CEP85: variants seen among roughly 807,000 people sequenced by gnomAD.
The protein encoded by CEP85 is centrosomal protein of 85 kDa.
CEP85 carries 58 observed loss-of-function variants against 93.7 expected under a neutral mutation model. That is an observed-to-expected ratio of 0.62 (90% CI 0.50 to 0.77). The LOEUF (loss-of-function observed/expected upper bound fraction) is 0.77. Among genes scored for constraint, CEP85 ranks in the 30% least tolerant of loss-of-function variants. The pLI, the probability that CEP85 is intolerant of heterozygous loss-of-function variation, is 0.00. For missense variants in CEP85, 868 were observed against 922.0 expected, an observed-to-expected ratio of 0.94 and a Z score of 0.76; for synonymous variants, 314 against 338.6, an observed-to-expected ratio of 0.93 and a Z score of 0.80.
chr1:26,250,929 TTTC>T (rs371570794), intron 3 of CEP85, among the ~76,000 whole-genome samples: 55,911 of 81,792 alleles, frequency 0.68, 17,134 homozygotes, highest in Non-Finnish European at 0.73. Context: ...TTTTTTCTTT[TTTC>T]TTTTTTTTTT....
intron 7 of CEP85, among the ~76,000 whole-genome samples, chr1:26,267,814 G>C (rs1328826690): frequency 1.3e-5 from 2 of 152,134 alleles, no homozygotes; most frequent in Non-Finnish European, 2.9e-5. Context: ...TAGTAGATTA[G>C]GCTTAAAGCA....
chr1:26,255,592 A>G lies in CEP85; in HGVS notation c.630A>G (p.Pro210=), dbSNP rs755756505. ...ACCACCGAGTCCGCTTCCACAACCC[A>G]AGAACCAGCACAAGTAAGGAGTTGT... ...DPHHRVRFHN[P]RTSTSKELYR... is the part of the protein sequence containing the mutation. Residue 210 remains proline, a synonymous_variant, in exon 4 of 14, where the codon CCA becomes CCG. Transcript: ENST00000451429. The G allele has an allele frequency of 3.1e-6, 5 of 1,614,118 alleles. No individual in the cohort carries two copies. Among genetic ancestry groups the G allele is most frequent in the Admixed American group, 3.3e-5 (2 of 60,008 alleles).
chr1:26,277,267 A>G lies in CEP85; in HGVS notation c.2260A>G (p.Met754Val). ...TTMSDRYAQD[M>V]GENCVTQ is the part of the protein sequence containing the mutation. Reference sequence around the variant, plus strand: ...CATGTCAGACAGATATGCCCAGGACATGGGAGAAAACTGTGTCACACAGTG... The same window carrying G: ...CATGTCAGACAGATATGCCCAGGACGTGGGAGAAAACTGTGTCACACAGTG... Residue 754 changes from methionine (M) to valine (V), a missense_variant, in exon 14 of 14, where the codon ATG becomes GTG. Met to Val is a conservative substitution (Grantham distance 21). Coordinates refer to ENST00000451429, the MANE Select transcript of CEP85 (RefSeq NM_001319944.2). 5 of 1,613,858 alleles carry G rather than the reference A, an allele frequency of 3.1e-6. No individual in the cohort carries two copies. Among genetic ancestry groups the G allele is most frequent in the Admixed American group, 1.7e-5 (1 of 60,018 alleles).
intron 13 of CEP85, 32 bp downstream of exon 13, chr1:26,276,792 A>AG: frequency 6.5e-7 from 1 of 1,546,082 alleles, no homozygotes; most frequent in East Asian, 2.3e-5. Flanking sequence ...GGGCCCAGGA[A>AG]GGAGGGTCCT....
chr1:26,270,258 G>C (rs114021137), intron 9 of CEP85, among the ~76,000 whole-genome samples: 2,102 of 152,240 alleles, frequency 0.014, 50 homozygotes, highest in African/African-American at 0.048. Context: ...GTGGGTACTG[G>C]TGATAAGAAC....
intron 12 of CEP85, among the ~76,000 whole-genome samples, chr1:26,275,514 T>G (rs1284083153): frequency 1.4e-4 from 21 of 152,216 alleles, no homozygotes; most frequent in African/African-American, 5.1e-4. Flanking sequence ...CTCCTGACCT[T>G]GTGATCCGCC....
At chr1:26,274,517 T>C (rs557187514) in intron 11 of CEP85, among the ~76,000 whole-genome samples, 5 of 152,308 alleles carry the variant, frequency 3.3e-5, no homozygotes, top group African/African-American at 1.2e-4. Flanking sequence ...TTAGGATTAA[T>C]TAGATCTGAT....
At chr1:26,257,252 C>T (rs2089721532) in intron 4 of CEP85, among the ~76,000 whole-genome samples, 1 of 152,080 alleles carries the variant, frequency 6.6e-6, no homozygotes, top group Admixed American at 6.5e-5. Flanking sequence ...TTAAAAAATC[C>T]TTGTGCTGCT....
chr1:26,236,742 G>A (rs929061581), intron 1 of CEP85, among the ~76,000 whole-genome samples: 3 of 152,184 alleles, frequency 2.0e-5, no homozygotes, highest in African/African-American at 7.2e-5. Flanking sequence ...CTGATAACGT[G>A]TGCCCTGGTT....
In CEP85 at chr1:26,239,820, T is replaced by G. The variant is rs758731821; in HGVS notation, c.37T>G (p.Ser13Ala). The part of the protein sequence containing the change: ...MQEKYPTEGI[S>A]HVTSPSSDVI... ...GGAGAAATATCCAACTGAGGGGATCTCTCACGTCACTTCACCGAGTGAGTA... is the reference window on the plus strand; with the variant it reads ...GGAGAAATATCCAACTGAGGGGATCGCTCACGTCACTTCACCGAGTGAGTA... The change falls in exon 2 of 14, where the codon TCT becomes GCT. Residue 13 changes from serine to alanine, a missense_variant. By Grantham distance (99) the Ser-to-Ala change is moderately conservative. Coordinates refer to ENST00000451429, the MANE Select transcript of CEP85 (RefSeq NM_001319944.2). 6.2e-7 allele frequency: 1 copy of G among 1,613,810 alleles called. No homozygotes were observed. The highest frequency in any genetic ancestry group is 1.7e-5 in the Admixed American group (1 of 60,024).
intron 1 of CEP85, among the ~76,000 whole-genome samples, chr1:26,238,033 C>T (rs1005422854): frequency 1.1e-4 from 17 of 151,410 alleles, no homozygotes; most frequent in African/African-American, 3.9e-4. Context: ...ATTGTAGATG[C>T]AGTGAATTAA....
rs3820519 is a variant in CEP85, at chr1:26,277,502, A to T, written c.*209A>T. 10 of 506,822 alleles carry T rather than the reference A, an allele frequency of 2.0e-5. No individual in the cohort carries two copies. Among genetic ancestry groups the T allele is most frequent in the Non-Finnish European group, 3.2e-5 (9 of 277,064 alleles). The allele number at this position is 506,822 out of a possible 1,614,324, so 31.4% of individuals were successfully genotyped here. ...TACGTTTGTCCTGTTAATTCACTCTAGACGGTGAGTTACTAATTAACTTTT... is the reference window on the plus strand; with the variant it reads ...TACGTTTGTCCTGTTAATTCACTCTTGACGGTGAGTTACTAATTAACTTTT... On this transcript the variant is annotated 3_prime_UTR_variant, in exon 14 of 14. Coordinates refer to ENST00000451429, the MANE Select transcript of CEP85 (RefSeq NM_001319944.2).
intron 3 of CEP85, chr1:26,254,919 T>A (rs2089672477): frequency 2.3e-6 from 1 of 443,832 alleles, no homozygotes; most frequent in Non-Finnish European, 4.0e-6. Flanking sequence ...AGATTTTTTT[T>A]ATTCCAGTAC....
intron 3 of CEP85, 22 bp downstream of exon 3, chr1:26,244,340 G>A: frequency 6.2e-7 from 1 of 1,605,250 alleles, no homozygotes; most frequent in Non-Finnish European, 8.5e-7. Context: ...TTAATGATTT[G>A]ATTACCAATA....
intron 6 of CEP85, among the ~76,000 whole-genome samples, chr1:26,259,166 G>T (rs884533): frequency 0.53 from 81,057 of 152,032 alleles, 22,884 homozygotes; most frequent in Non-Finnish European, 0.65. Flanking sequence ...ACTGATTAAA[G>T]AATTGAAACC....
intron 7 of CEP85, among the ~76,000 whole-genome samples, chr1:26,264,322 C>T (rs1015879571): frequency 5.9e-5 from 9 of 152,086 alleles, no homozygotes; most frequent in Admixed American, 3.9e-4. Flanking sequence ...CACCTGAGGT[C>T]GGGAGTTCAA....
chr1:26,275,074 G>T lies in CEP85; in HGVS notation c.1902+3G>T. On this transcript the variant is annotated splice_donor_region_variant and intron_variant, in intron 12 of 13. Coordinates refer to ENST00000451429, the MANE Select transcript of CEP85 (RefSeq NM_001319944.2). ...AGCTGCGCACAGCCGTGAAGGAGGT[G>T]AGCAACATTAGTCAGACCTCTTGGT... 1 of 1,563,582 alleles carries T rather than the reference G, an allele frequency of 6.4e-7. No homozygotes were observed. The highest frequency in any genetic ancestry group is 1.2e-5 in the South Asian group (1 of 84,676).
rs746148727 is a variant in CEP85 at position 26,276,576 on chromosome 1, A to G, written c.1944A>G (p.Thr648=). 1 of 1,614,054 alleles carries G rather than the reference A, an allele frequency of 6.2e-7. No individual in the cohort carries two copies. Among genetic ancestry groups the G allele is most frequent in the East Asian group, 2.2e-5 (1 of 44,872 alleles). ...AGGACTTGATTGAGAAGAATCTGAC[A>G]CTCCAGGAACACCTGCGCCAGGCCC... ...QNQDLIEKNL[T]LQEHLRQAQP... is the part of the protein sequence containing the mutation. Residue 648 remains threonine, a synonymous_variant, in exon 13 of 14, where the codon ACA becomes ACG. Coordinates refer to ENST00000451429, the MANE Select transcript of CEP85 (RefSeq NM_001319944.2).
chr1:26,255,802 T>A lies in CEP85; in HGVS notation c.840T>A (p.Ser280=). ...ACACTTGGCATCCCCGAGAGCAATC[T>A]TGTGAACTCAGCACTTGTCGGCAGC... The part of the protein sequence containing the change: ...SPDTWHPREQ[S]CELSTCRQQL... The change falls in exon 4 of 14, where the codon TCT becomes TCA. Residue 280 remains serine, a synonymous_variant. Coordinates refer to ENST00000451429, the MANE Select transcript of CEP85 (RefSeq NM_001319944.2). 1.3e-5 allele frequency: 21 copies of A among 1,614,106 alleles called. No homozygotes were observed. Among genetic ancestry groups the A allele is most frequent in the Non-Finnish European group, 1.5e-5 (18 of 1,179,986 alleles).
Sources: allele counts gnomAD v4.1 joint callset (sites outside exome capture counted in the v4.1 genomes callset), GRCh38; gene constraint gnomAD v4.1.1; transcripts MANE v1.5; gene names NCBI Gene and HGNC (gene_info 2026-07-23, HGNC 2026-07-21).